The following FTCDNL1 variants were observed in gnomAD, a reference collection of about 807,000 sequenced individuals.
The protein encoded by FTCDNL1 is formiminotransferase cyclodeaminase N-terminal like.
A neutral mutation model predicts 5.9 loss-of-function variants in FTCDNL1; 11 were observed. The observed-to-expected ratio is 1.87, with a 90% CI of 1.18 to 3.10. FTCDNL1 has a LOEUF of 3.10. Ranked by LOEUF, FTCDNL1 falls within the 30% of genes most tolerant of loss-of-function variation. The pLI, the probability that FTCDNL1 is intolerant of heterozygous loss-of-function variation, is 0.00. For missense variants in FTCDNL1, 115 were observed against 65.5 expected (o/e 1.76, Z -2.61); for synonymous variants, 58 against 24.8 (o/e 2.34, Z -3.99).
chr2:199,821,991 T>C (rs965678920), intron 3 of FTCDNL1, among the ~76,000 whole-genome samples: 6 of 152,240 alleles, frequency 3.9e-5, no homozygotes, highest in Admixed American at 1.3e-4. Flanking sequence ...ATAAAGCAAG[T>C]CACATAAATT....
At chr2:199,700,150 C>G in the FTCDNL1 span, among the ~76,000 whole-genome samples, 1 of 151,972 alleles carries the variant, frequency 6.6e-6, no homozygotes, top group Non-Finnish European at 1.5e-5. Flanking sequence ...CCTAGAAACC[C>G]CCATAGTCTC....
At chr2:199,703,244 C>T in the FTCDNL1 span, among the ~76,000 whole-genome samples, 3 of 151,458 alleles carry the variant, frequency 2.0e-5, no homozygotes, top group Admixed American at 6.6e-5. Context: ...TGTGATGTTC[C>T]GACTCTGGGT....
the FTCDNL1 span, among the ~76,000 whole-genome samples, chr2:199,744,445 CAGAGAGAG>C: frequency 1.3e-5 from 2 of 151,234 alleles, no homozygotes; most frequent in Non-Finnish European, 1.5e-5. Context: ...CACACACACA[CAGAGAGAG>C]AGAGAGAGAG....
At chr2:199,726,009 C>T in the FTCDNL1 span, among the ~76,000 whole-genome samples, 1 of 152,040 alleles carries the variant, frequency 6.6e-6, no homozygotes, top group African/African-American at 2.4e-5. Context: ...CTCCCAATCT[C>T]TTTTAGGTAC....
intron 3 of FTCDNL1, among the ~76,000 whole-genome samples, chr2:199,792,358 C>T (rs1045005702): frequency 6.6e-6 from 1 of 152,158 alleles, no homozygotes; most frequent in South Asian, 2.1e-4. Context: ...TATACCCTTC[C>T]AAAGTCCCTG....
the FTCDNL1 span, among the ~76,000 whole-genome samples, chr2:199,738,819 C>T: frequency 6.6e-6 from 1 of 152,156 alleles, no homozygotes; most frequent in African/African-American, 2.4e-5. Flanking sequence ...GCTAAATTTC[C>T]TCCTCTCTCT....
the FTCDNL1 span, among the ~76,000 whole-genome samples, chr2:199,748,569 C>T: frequency 2.9e-3 from 439 of 152,272 alleles, 7 homozygotes; most frequent in Admixed American, 0.027. Context: ...ACACCTGAGC[C>T]CCTCTGCCTG....
At chr2:199,833,936 T>C (rs746418594) in intron 3 of FTCDNL1, among the ~76,000 whole-genome samples, 1 of 152,212 alleles carries the variant, frequency 6.6e-6, no homozygotes, top group African/African-American at 2.4e-5. Context: ...CCATTACTGA[T>C]GTTTTCTTCC....
At chr2:199,761,348 C>T (rs999625764) in intron 3 of FTCDNL1, among the ~76,000 whole-genome samples, 57 of 152,296 alleles carry the variant, frequency 3.7e-4, no homozygotes, top group Admixed American at 2.9e-3. Context: ...TCACTGTGTA[C>T]GTCGAAAATG....
chr2:199,842,727 T>C (rs898906139), intron 3 of FTCDNL1, among the ~76,000 whole-genome samples: 1 of 152,162 alleles, frequency 6.6e-6, no homozygotes, highest in African/African-American at 2.4e-5. Context: ...AAAGTATACA[T>C]AAATTACACA....
chr2:199,835,964 AGAG>A (rs1702708386), intron 3 of FTCDNL1, among the ~76,000 whole-genome samples: 1 of 152,190 alleles, frequency 6.6e-6, no homozygotes, highest in Admixed American at 6.5e-5. Flanking sequence ...GAGTGTCTTA[AGAG>A]ACCTTTTACC....
intron 3 of FTCDNL1, among the ~76,000 whole-genome samples, chr2:199,773,284 A>G (rs1329742948): frequency 1.3e-5 from 2 of 152,124 alleles, no homozygotes; most frequent in Non-Finnish European, 1.5e-5. Context: ...ATACACAAAC[A>G]TACACTAAGA....
chr2:199,797,247 C>T (rs1359552164), intron 3 of FTCDNL1, among the ~76,000 whole-genome samples: 1 of 152,096 alleles, frequency 6.6e-6, no homozygotes, highest in African/African-American at 2.4e-5. Context: ...AAATGAATTT[C>T]AATATGCAGA....
chr2:199,696,979 C>T, the FTCDNL1 span, among the ~76,000 whole-genome samples: 3 of 152,182 alleles, frequency 2.0e-5, no homozygotes, highest in Non-Finnish European at 4.4e-5. Flanking sequence ...TCTGATACAG[C>T]TGAAAAATTC....
chr2:199,706,518 G>A, the FTCDNL1 span, among the ~76,000 whole-genome samples: 2 of 152,100 alleles, frequency 1.3e-5, no homozygotes, highest in African/African-American at 2.4e-5. Flanking sequence ...ACAGATGGAG[G>A]CTTTTTATTA....
chr2:199,705,106 T>G, the FTCDNL1 span, among the ~76,000 whole-genome samples: 2 of 152,088 alleles, frequency 1.3e-5, no homozygotes, highest in Non-Finnish European at 2.9e-5. Context: ...GAGATGGACA[T>G]GGATTGCTCT....
the FTCDNL1 span, among the ~76,000 whole-genome samples, chr2:199,678,229 C>T: frequency 6.6e-6 from 1 of 152,078 alleles, no homozygotes; most frequent in Admixed American, 6.6e-5. Flanking sequence ...AAAGAGGTGG[C>T]TTGTGGACCT....
chr2:199,665,371 C>T, the FTCDNL1 span, among the ~76,000 whole-genome samples: 1 of 152,174 alleles, frequency 6.6e-6, no homozygotes. Flanking sequence ...GTGGCTCATG[C>T]TTGTAATACC....
the FTCDNL1 span, among the ~76,000 whole-genome samples, chr2:199,711,372 G>A: frequency 0.44 from 59,648 of 134,424 alleles, 14,302 homozygotes; most frequent in East Asian, 0.66. Context: ...GTGAGGGGGC[G>A]GGGGGGGGAT....
Sources: allele counts gnomAD v4.1 joint callset (sites outside exome capture counted in the v4.1 genomes callset), GRCh38; gene constraint gnomAD v4.1.1; transcripts MANE v1.5; gene names NCBI Gene and HGNC (gene_info 2026-07-23, HGNC 2026-07-21).